The following KIAA2012 variants were observed in gnomAD, a reference collection of about 807,000 sequenced individuals.
KIAA2012 encodes KIAA2012.
In KIAA2012, 125 loss-of-function variants were observed where a neutral mutation model predicts 150.6. The ratio of observed to expected loss-of-function variants is 0.83; its 90% CI spans 0.72 to 0.96. The LOEUF is 0.96. Among genes scored for constraint, KIAA2012 ranks in the 40% least tolerant of loss-of-function variants. The probability of loss-of-function intolerance (pLI) is 0.00; values close to 1 mark genes in which losing one functional copy is unlikely to be tolerated. For missense variants in KIAA2012, 1,219 were observed against 1,354.9 expected (o/e 0.90, Z 1.57); for synonymous variants, 462 against 504.7 (o/e 0.92, Z 1.13).
rs1692222116 is a variant in KIAA2012, at chr2:202,186,126, C to T, written c.2211-807C>T. On this transcript the variant is annotated intron_variant, in intron 16 of 23. Coordinates refer to ENST00000498697, the MANE Select transcript of KIAA2012 (RefSeq NM_001277372.4). The stretch of plus-strand genomic sequence containing the variant: ...CCAGAGGGCATAAGTCAGTTATCCT[C>T]AGGGCAAACAGTGAGTGACAGCAAT... Among the ~76,000 whole-genome samples the T allele has an allele frequency of 4.6e-5, 7 of 152,202 alleles. 1 individual carries two copies. In the South Asian group the frequency reaches 1.4e-3, roughly 32 times the overall value.
chr2:202,081,988 A>T (rs572432775), intron 2 of KIAA2012, among the ~76,000 whole-genome samples: 182 of 152,186 alleles, frequency 1.2e-3, no homozygotes, highest in African/African-American at 3.4e-3. Flanking sequence ...CTGAAAAAAA[A>T]TTTCTTTTAT....
chr2:202,167,118 G>A (rs1691784459), intron 15 of KIAA2012, among the ~76,000 whole-genome samples: 1 of 151,378 alleles, frequency 6.6e-6, no homozygotes, highest in South Asian at 2.1e-4. Flanking sequence ...AGCTTGCAGT[G>A]AGCCAAGATC....
chr2:202,111,509 C>CAAA (rs71025277), intron 10 of KIAA2012, among the ~76,000 whole-genome samples: 32 of 57,622 alleles, frequency 5.6e-4, no homozygotes, highest in Non-Finnish European at 6.6e-4. Flanking sequence ...GACTCTGTCT[C>CAAA]AAAAAAAAAA....
At chr2:202,157,962 G>A (rs1431829215) in intron 14 of KIAA2012, among the ~76,000 whole-genome samples, 1 of 152,086 alleles carries the variant, frequency 6.6e-6, no homozygotes, top group Non-Finnish European at 1.5e-5. Flanking sequence ...ACAATATAAA[G>A]CTTTCTCTCC....
At chr2:202,124,241 C>A (rs1429502389) in intron 11 of KIAA2012, among the ~76,000 whole-genome samples, 1 of 152,122 alleles carries the variant, frequency 6.6e-6, no homozygotes, top group African/African-American at 2.4e-5. Flanking sequence ...CAATTGACCT[C>A]TTTGCTATTA....
chr2:202,132,748 G>GTATATATGTGTATATATGTATATATT (rs1690974476), intron 12 of KIAA2012, among the ~76,000 whole-genome samples: 3 of 18,954 alleles, frequency 1.6e-4, no homozygotes, highest in African/African-American at 5.4e-4. Flanking sequence ...TATATATATA[G>GTATATATGTGTATATATGTATATATT]TATATATGTA....
Position 202,190,389 on chromosome 2 carries a change from G to A in KIAA2012, c.2707G>A (p.Glu903Lys), listed in dbSNP as rs1235442866. ...PWLSPKYDAQ[E>K]SQVSLDGRSS... ...GCTTTCTCCCAAATATGATGCCCAG[G>A]AAAGCCAAGTTTCTCTAGATGGAAG... Residue 903 changes from glutamate to lysine, a missense_variant, in exon 19 of 24, where the codon GAA becomes AAA. Glu to Lys is a moderately conservative substitution (Grantham distance 56, BLOSUM62 1). Transcript: ENST00000498697. 2 of 1,550,672 alleles carry A rather than the reference G, an allele frequency of 1.3e-6. No individual in the cohort carries two copies. The highest frequency in any genetic ancestry group is 3.9e-5 in the Admixed American group (2 of 50,964).
Position 202,165,276 on chromosome 2 carries a change from C to T in KIAA2012, c.2047-8C>T. ...TAATGTATTCTTTGTTGTGTGTTAACCCAATAGGAAAGTGGAAATGCACTG... is the reference window on the plus strand; with the variant it reads ...TAATGTATTCTTTGTTGTGTGTTAATCCAATAGGAAAGTGGAAATGCACTG... On this transcript the variant is annotated splice_region_variant and splice_polypyrimidine_tract_variant and intron_variant, in intron 14 of 23. Transcript: ENST00000498697. 1 of 1,549,672 alleles carries T rather than the reference C, an allele frequency of 6.5e-7. No homozygotes were observed. The highest frequency in any genetic ancestry group is 8.7e-7 in the Non-Finnish European group (1 of 1,146,292).
At chr2:202,097,140 A>T (rs1400116354) in intron 4 of KIAA2012, among the ~76,000 whole-genome samples, 1 of 152,170 alleles carries the variant, frequency 6.6e-6, no homozygotes, top group Non-Finnish European at 1.5e-5. Context: ...AAATAACTCT[A>T]CAAGGAAGTG....
chr2:202,160,066 G>A (rs1202312669), intron 14 of KIAA2012, among the ~76,000 whole-genome samples: 1 of 152,072 alleles, frequency 6.6e-6, no homozygotes, highest in Non-Finnish European at 1.5e-5. Context: ...GATCCCCACT[G>A]TGCAGATGAG....
chr2:202,182,785 G>A (rs1248238596), intron 15 of KIAA2012, among the ~76,000 whole-genome samples: 2 of 152,144 alleles, frequency 1.3e-5, no homozygotes, highest in Non-Finnish European at 2.9e-5. Flanking sequence ...ATTCCAAACA[G>A]CAGTAGATGA....
chr2:202,159,091 C>T (rs1219525835), intron 14 of KIAA2012, among the ~76,000 whole-genome samples: 2 of 152,154 alleles, frequency 1.3e-5, no homozygotes, highest in Admixed American at 6.5e-5. Context: ...CCAAGCATTA[C>T]GTATGTGGGC....
intron 15 of KIAA2012, among the ~76,000 whole-genome samples, chr2:202,184,158 G>C (rs904159721): frequency 9.2e-5 from 14 of 152,184 alleles, no homozygotes; most frequent in African/African-American, 3.1e-4. Context: ...GGCCAAGGTG[G>C]GTGGATCACG....
intron 12 of KIAA2012, among the ~76,000 whole-genome samples, chr2:202,131,176 G>A (rs891939738): frequency 6.6e-6 from 1 of 152,144 alleles, no homozygotes; most frequent in African/African-American, 2.4e-5. Context: ...TCTGGCTCTT[G>A]TTGTCCAGGC....
chr2:202,182,330 C>G (rs148691203), intron 15 of KIAA2012, among the ~76,000 whole-genome samples: 1 of 151,752 alleles, frequency 6.6e-6, no homozygotes, highest in Non-Finnish European at 1.5e-5. Flanking sequence ...AGGCTGGTCT[C>G]GAACTCCCAA....
chr2:202,162,928 CA>C lies in KIAA2012; in HGVS notation c.2047-2337del, dbSNP rs530486463. ...CTGGCAACAGAGCGAGACTCCGTCTCAAAAAAAAAAAAAAAAAAAGAGATGC... is the reference window on the plus strand; with the variant it reads ...CTGGCAACAGAGCGAGACTCCGTCTCAAAAAAAAAAAAAAAAAAGAGATGC... On this transcript the variant is annotated intron_variant, in intron 14 of 23. Transcript: ENST00000498697. 7.3e-3 allele frequency among the ~76,000 whole-genome samples: 654 copies of C among 90,166 alleles called. 3 individuals carry two copies. Among genetic ancestry groups the C allele is most frequent in the Middle Eastern group, 0.017 (3 of 172 alleles). The allele number at this position is 90,166 out of a possible 152,430, so 59.2% of individuals were successfully genotyped here.
chr2:202,165,350 G>A lies in KIAA2012; in HGVS notation c.2113G>A (p.Asp705Asn), dbSNP rs747968480. ...ACCCCTCAGAGAAACTCACCACAAC[G>A]ACCAAGGTACAGACCACTAGGTGGG... ...GRPLRETHHN[D>N]QDPEPRSMTL... The change falls in exon 15 of 24, where the codon GAC becomes AAC. Residue 705 changes from aspartate (D) to asparagine (N), a missense_variant. Coordinates refer to ENST00000498697, the MANE Select transcript of KIAA2012 (RefSeq NM_001277372.4). The A allele has an allele frequency of 2.5e-5, 39 of 1,549,976 alleles. No individual in the cohort carries two copies. Among genetic ancestry groups the A allele is most frequent in the Non-Finnish European group, 3.1e-5 (36 of 1,146,676 alleles).
intron 12 of KIAA2012, chr2:202,136,157 C>T (rs1027060819): frequency 1.2e-5 from 3 of 244,934 alleles, no homozygotes; most frequent in Non-Finnish European, 2.6e-5. Context: ...CTGGTGGGTT[C>T]GTGGTCTCGC....
intron 3 of KIAA2012, among the ~76,000 whole-genome samples, chr2:202,091,768 C>T (rs551219819): frequency 3.7e-4 from 56 of 152,296 alleles, no homozygotes; most frequent in African/African-American, 1.3e-3. Context: ...TGTGCCAGTA[C>T]CCACTCGGCT....
Sources: gnomAD v4.1 joint callset for allele counts (sites outside exome capture counted in the v4.1 genomes callset) on GRCh38, gnomAD v4.1.1 for gene constraint, MANE v1.5 for transcripts, NCBI Gene and HGNC (gene_info 2026-07-23, HGNC 2026-07-21) for gene names.